Variants in RAB17 observed in about 807,000 individuals in gnomAD.
The protein encoded by RAB17 is RAB17, member RAS oncogene family, also known as ras-related protein Rab-17.
A neutral mutation model predicts 19.3 loss-of-function variants in RAB17; 15 were observed. The ratio of observed to expected loss-of-function variants is 0.78; its 90% CI spans 0.52 to 1.20. The LOEUF is 1.20. Among genes scored for constraint, RAB17 ranks in the 50% most tolerant of loss-of-function variants. The probability of loss-of-function intolerance (pLI) is 0.00; values close to 1 mark genes in which losing one functional copy is unlikely to be tolerated. For missense variants in RAB17, 262 were observed against 269.3 expected, an observed-to-expected ratio of 0.97 and a Z score of 0.19; for synonymous variants, 110 against 112.8, an observed-to-expected ratio of 0.97 and a Z score of 0.16.
Position 237,586,005 on chromosome 2 carries a change from C to T in RAB17, c.150G>A (p.Thr50=), listed in dbSNP as rs1324801445. 5 of 1,606,648 alleles carry T rather than the reference C, an allele frequency of 3.1e-6. No homozygotes were observed. The highest frequency in any genetic ancestry group is 2.2e-5 in the South Asian group (2 of 89,562). ...VKNDFKSILP[T]VGCAFFTKVV... is the part of the protein sequence containing the mutation. Reference sequence around the variant, plus strand: ...TGCTCTGCCCTCACTTACAGCCCACCGTAGGCAGGATACTCTTGAAGTCGT... The same window carrying T: ...TGCTCTGCCCTCACTTACAGCCCACTGTAGGCAGGATACTCTTGAAGTCGT... Residue 50 remains threonine (T), a synonymous_variant, in exon 2 of 6, where the codon ACG becomes ACA. Transcript: ENST00000264601.
intron 1 of RAB17, among the ~76,000 whole-genome samples, chr2:237,589,107 C>T (rs1206309523): frequency 6.6e-6 from 1 of 151,986 alleles, no homozygotes; most frequent in Non-Finnish European, 1.5e-5. Flanking sequence ...GTAATCCCAG[C>T]TACTCGGGAG....
chr2:237,588,620 G>A (rs892206185), intron 1 of RAB17, among the ~76,000 whole-genome samples: 7 of 152,126 alleles, frequency 4.6e-5, no homozygotes, highest in East Asian at 3.9e-4. Flanking sequence ...AGTGTACACC[G>A]CTCTGGTATG....
rs1363813268 is a variant in RAB17, at chr2:237,575,080, C to G, written c.578G>C (p.Gly193Ala). 1 of 1,613,828 alleles carries G rather than the reference C, an allele frequency of 6.2e-7. No homozygotes were observed. The highest frequency in any genetic ancestry group is 1.1e-5 in the South Asian group (1 of 91,032). The change falls in exon 6 of 6, where the codon GGG (glycine) becomes GCG (alanine). Residue 193 changes from glycine to alanine, a missense_variant. Physicochemically the swap from Gly to Ala is moderately conservative, Grantham distance 60. Coordinates refer to ENST00000264601, the MANE Select transcript of RAB17 (RefSeq NM_022449.4). ...CTTGTTCAGAGCCACAGCTGCATCC[C>G]CCCGTAGAGCCTGGCCCTCCTCGTC... ...RSDEEGQALR[G>A]DAAVALNKGP...
intron 1 of RAB17, among the ~76,000 whole-genome samples, chr2:237,589,594 T>C (rs77088401): frequency 0.071 from 10,140 of 143,576 alleles, 483 homozygotes; most frequent in Non-Finnish European, 0.1. Context: ...TGTGATTGAG[T>C]GTTGTAAGCT....
At chr2:237,587,817 TCCATC>T (rs2081361402) in intron 1 of RAB17, among the ~76,000 whole-genome samples, 1 of 149,504 alleles carries the variant, frequency 6.7e-6, no homozygotes, top group Admixed American at 6.6e-5. Flanking sequence ...CATTAAGTTT[TCCATC>T]TGTGTTTCTT....
At chr2:237,587,037 G>A (rs2081356110) in intron 1 of RAB17, among the ~76,000 whole-genome samples, 1 of 152,168 alleles carries the variant, frequency 6.6e-6, no homozygotes, top group Non-Finnish European at 1.5e-5. Flanking sequence ...CTGTGTTATT[G>A]AATAGAGTCC....
chr2:237,585,895 G>A, intron 2 of RAB17, 103 bp downstream of exon 2: 1 of 1,284,612 alleles, frequency 7.8e-7, no homozygotes. Flanking sequence ...GTCCCAGCAT[G>A]GGGATTCCTA....
intron 3 of RAB17, 172 bp from the exon 4 acceptor site, chr2:237,577,554 G>C: frequency 1.4e-6 from 1 of 701,940 alleles, no homozygotes; most frequent in South Asian, 2.0e-5. Context: ...GCACGTTCCT[G>C]TCCTGGGTGA....
intron 2 of RAB17, among the ~76,000 whole-genome samples, chr2:237,583,550 C>T (rs1574936370): frequency 6.6e-6 from 1 of 152,184 alleles, no homozygotes; most frequent in African/African-American, 2.4e-5. Flanking sequence ...CACAGAGGTG[C>T]TCAATACAAA....
At position 237,577,984 on chromosome 2, in the gene RAB17, T is replaced by A. The variant is rs200531689; in HGVS notation, c.309+20A>T. On this transcript the variant is annotated intron_variant, in intron 3 of 5. Coordinates refer to ENST00000264601, the MANE Select transcript of RAB17 (RefSeq NM_022449.4). ...GGTGCTTGGGAAGGAGGGTGGGACG[T>A]GCCTCAAGGCGGGCCCTACCTTCCT... 9 of 1,584,124 alleles carry A rather than the reference T, an allele frequency of 5.7e-6. No homozygotes were observed. In the East Asian group the frequency reaches 1.8e-4, roughly 32 times the overall value.
Position 237,574,603 on chromosome 2 carries a change from C to A in RAB17, c.*416G>T, listed in dbSNP as rs1382619832. The A allele has an allele frequency of 6.5e-6, 10 of 1,537,042 alleles. No homozygotes were observed. Among genetic ancestry groups the A allele is most frequent in the Admixed American group, 2.0e-5 (1 of 49,804 alleles). The stretch of plus-strand genomic sequence containing the variant: ...CACCTCCATCTGGCCTGCTCCCCAA[C>A]CCCCCAGAAGCAGGTGGGCCCAGGC... On this transcript the variant is annotated 3_prime_UTR_variant, in exon 6 of 6. Coordinates refer to ENST00000264601, the MANE Select transcript of RAB17 (RefSeq NM_022449.4).
chr2:237,575,639 GC>G, intron 4 of RAB17, 159 bp from the exon 5 acceptor site: 1 of 608,192 alleles, frequency 1.6e-6, no homozygotes, highest in Non-Finnish European at 3.0e-6. Flanking sequence ...CTCCTGAGCA[GC>G]CAGGACCAGG....
At chr2:237,579,725 A>ACCAGACAGAGAACAGGAGG (rs1272842011) in intron 2 of RAB17, among the ~76,000 whole-genome samples, 1 of 75,696 alleles carries the variant, frequency 1.3e-5, no homozygotes, top group African/African-American at 1.3e-4. Flanking sequence ...AATTGCACCC[A>ACCAGACAGAGAACAGGAGG]CTAGACAGAG....
At chr2:237,587,999 A>T (rs1292321936) in intron 1 of RAB17, among the ~76,000 whole-genome samples, 4 of 152,196 alleles carry the variant, frequency 2.6e-5, no homozygotes, top group African/African-American at 9.7e-5. Context: ...AAATGAATGA[A>T]TGAGGCCAAG....
At chr2:237,590,327 A>T (rs1387052755) in intron 1 of RAB17, 140 bp downstream of exon 1, 1 of 152,232 alleles carries the variant, frequency 6.6e-6, no homozygotes, top group Non-Finnish European at 1.5e-5. Flanking sequence ...ACATGCACAG[A>T]CACAAACAAA....
chr2:237,578,570 C>T (rs896397528), intron 2 of RAB17: 5 of 167,042 alleles, frequency 3.0e-5, no homozygotes, highest in Non-Finnish European at 5.2e-5. Flanking sequence ...CCTGCCAGAC[C>T]CATCTTGCAC....
rs2081257698 is a variant in RAB17 at position 237,575,782 on chromosome 2, G to A, written c.436-302C>T. 7.5e-6 allele frequency: 3 copies of A among 397,748 alleles called. No individual in the cohort carries two copies. In the South Asian group the frequency reaches 1.2e-4, roughly 16 times the overall value. The allele number at this position is 397,748 out of a possible 1,614,324, so 24.6% of individuals were successfully genotyped here. ...CCTCCCATCATGCCTGTTGGCACCT[G>A]TGGGCTTTGATGCTGGGCAAAGAAC... is the stretch of plus-strand genomic sequence containing the variant. On this transcript the variant is annotated intron_variant, in intron 4 of 5. Transcript: ENST00000264601.
intron 5 of RAB17, 86 bp from the exon 6 acceptor site, chr2:237,575,214 G>GC: frequency 1.7e-6 from 2 of 1,171,282 alleles, no homozygotes; most frequent in Non-Finnish European, 2.4e-6. Flanking sequence ...CCCAGGACCC[G>GC]CCCCTCCTGT....
intron 1 of RAB17, among the ~76,000 whole-genome samples, chr2:237,587,028 T>C (rs904899589): frequency 1.3e-5 from 2 of 152,238 alleles, no homozygotes; most frequent in Non-Finnish European, 2.9e-5. Flanking sequence ...ATTACACCCC[T>C]GTGTTATTGA....
Sources: allele counts gnomAD v4.1 joint callset (sites outside exome capture counted in the v4.1 genomes callset), GRCh38; gene constraint gnomAD v4.1.1; transcripts MANE v1.5; gene names NCBI Gene and HGNC (gene_info 2026-07-23, HGNC 2026-07-21).